ADGRV1: variants seen among roughly 807,000 people sequenced by gnomAD.
ADGRV1 encodes the protein G-protein coupled receptor 98.
Under a neutral mutation model 596.2 loss-of-function variants are expected in ADGRV1, and 359 were observed. The ratio of observed to expected loss-of-function variants is 0.60; its 90% confidence interval spans 0.55 to 0.66. ADGRV1 has a LOEUF of 0.66. Ranked by LOEUF, ADGRV1 falls within the 30% of genes least tolerant of loss-of-function variation. ADGRV1 has a pLI of 0.00. For missense variants in ADGRV1, 7,274 were observed against 7,575.6 expected (o/e 0.96, Z 1.48); for synonymous variants, 2,681 against 2,679.2 (o/e 1.00, Z -0.02).
Position 90,653,540 on chromosome 5 carries a change from C to T in ADGRV1, c.3966C>T (p.His1322=). The change falls in exon 20 of 90, where the codon CAC becomes CAT. Residue 1322 remains histidine, a synonymous_variant. Coordinates refer to ENST00000405460, the MANE Select transcript of ADGRV1 (RefSeq NM_032119.4). The part of the protein sequence containing the change: ...VHLQQHMRRH[H]SGTDALYFTG... The stretch of plus-strand genomic sequence containing the variant: ...TACAACAGCACATGCGGCGTCACCA[C>T]AGTGGAACGGATGCTTTGTACTTTA... The T allele has an allele frequency of 6.2e-7, 1 of 1,613,944 alleles. No homozygotes were observed. The highest frequency in any genetic ancestry group is 8.5e-7 in the Non-Finnish European group (1 of 1,179,888).
At chr5:90,902,602 G>A (rs1022178573) in intron 83 of ADGRV1, among the ~76,000 whole-genome samples, 3 of 152,074 alleles carry the variant, frequency 2.0e-5, no homozygotes, top group Non-Finnish European at 4.4e-5. Flanking sequence ...AGCACCTAGA[G>A]GGCAATTGTT....
Position 90,774,225 on chromosome 5 carries a change from GAC to G in ADGRV1, c.12329_12330del (p.Thr4110SerfsTer16), listed in dbSNP as rs1561701661. On this transcript the variant is annotated frameshift_variant, in exon 60 of 90. Coordinates refer to ENST00000405460, the MANE Select transcript of ADGRV1 (RefSeq NM_032119.4). LOFTEE classifies it high-confidence loss of function. The stretch of plus-strand genomic sequence containing the variant: ...GACCATTGTGTTGCACACACTTCAA[GAC>G]ACAGTGTTGGAGGAGGACAGGCGTT... ...QKTIVLHTLQDTVLEEDRRFT... is the reference protein window; with the variant it reads ...QKTIVLHTLQXTVLEEDRRFT... The G allele has an allele frequency of 1.2e-6, 2 of 1,611,208 alleles. No individual in the cohort carries two copies. The highest frequency in any genetic ancestry group is 8.5e-7 in the Non-Finnish European group (1 of 1,177,614).
At chr5:90,613,971 T>G (rs928380705) in intron 1 of ADGRV1, among the ~76,000 whole-genome samples, 1 of 152,004 alleles carries the variant, frequency 6.6e-6, no homozygotes, top group African/African-American at 2.4e-5. Context: ...AATGATCACA[T>G]AGATCCACGG....
At chr5:90,958,209 A>G (rs1777653766) in intron 83 of ADGRV1, among the ~76,000 whole-genome samples, 1 of 146,248 alleles carries the variant, frequency 6.8e-6, no homozygotes, top group African/African-American at 2.5e-5. Flanking sequence ...GCTTGAGTCC[A>G]GGAGGATGAG....
chr5:90,627,994 C>T (rs1765011247), intron 7 of ADGRV1: 1 of 359,522 alleles, frequency 2.8e-6, no homozygotes, highest in African/African-American at 2.1e-5. Flanking sequence ...CATGGCTTCA[C>T]TGTTTTCTTT....
At chr5:90,962,422 G>A (rs962077252) in intron 83 of ADGRV1, among the ~76,000 whole-genome samples, 1 of 152,162 alleles carries the variant, frequency 6.6e-6, no homozygotes, top group Non-Finnish European at 1.5e-5. Context: ...AGAACTGACT[G>A]TGAAAATAAC....
chr5:90,747,882 G>A (rs971674949), intron 52 of ADGRV1, among the ~76,000 whole-genome samples: 1 of 152,132 alleles, frequency 6.6e-6, no homozygotes. Flanking sequence ...ACACTTTCCT[G>A]CATAAGCCCA....
intron 85 of ADGRV1, among the ~76,000 whole-genome samples, chr5:91,040,082 G>C (rs1423401904): frequency 2.6e-5 from 4 of 152,120 alleles, no homozygotes; most frequent in African/African-American, 9.7e-5. Flanking sequence ...AAAGCCCTTT[G>C]AGGAGGATAA....
At chr5:90,589,086 C>T (rs542357661) in intron 1 of ADGRV1, among the ~76,000 whole-genome samples, 1 of 151,954 alleles carries the variant, frequency 6.6e-6, no homozygotes, top group East Asian at 1.9e-4. Context: ...ATTGATTAGC[C>T]TAAATTTTTT....
At chr5:90,954,656 C>T (rs1777323119) in intron 83 of ADGRV1, among the ~76,000 whole-genome samples, 1 of 152,012 alleles carries the variant, frequency 6.6e-6, no homozygotes, top group Non-Finnish European at 1.5e-5. Context: ...TTTATTATTT[C>T]TATTCCTAGT....
intron 87 of ADGRV1, among the ~76,000 whole-genome samples, chr5:91,119,696 G>T (rs916153126): frequency 1.3e-5 from 2 of 152,148 alleles, no homozygotes; most frequent in African/African-American, 2.4e-5. Flanking sequence ...CAACTTTAGG[G>T]CAAACATTAA....
chr5:91,138,593 A>G (rs1312734122), intron 87 of ADGRV1, among the ~76,000 whole-genome samples: 1 of 152,190 alleles, frequency 6.6e-6, no homozygotes, highest in Non-Finnish European at 1.5e-5. Context: ...TTCGAAAATA[A>G]TAACATAATC....
chr5:90,658,976 G>GAATACATC (rs1769840295), intron 21 of ADGRV1, among the ~76,000 whole-genome samples: 3 of 152,106 alleles, frequency 2.0e-5, no homozygotes, highest in Non-Finnish European at 4.4e-5. Context: ...ATTCTAATTG[G>GAATACATC]TTTAGAAGGA....
intron 1 of ADGRV1, among the ~76,000 whole-genome samples, chr5:90,578,239 G>A (rs1189774454): frequency 2.6e-5 from 4 of 152,160 alleles, no homozygotes; most frequent in African/African-American, 4.8e-5. Context: ...TATGATATTG[G>A]CTGTGGGTTT....
intron 83 of ADGRV1, among the ~76,000 whole-genome samples, chr5:90,877,747 A>G (rs1020714403): frequency 1.3e-5 from 2 of 151,800 alleles, no homozygotes; most frequent in Non-Finnish European, 2.9e-5. Context: ...CTTTTTTTTA[A>G]TGTTATTTCA....
At chr5:91,110,161 A>G (rs1792244417) in intron 87 of ADGRV1, among the ~76,000 whole-genome samples, 1 of 152,192 alleles carries the variant, frequency 6.6e-6, no homozygotes, top group Non-Finnish European at 1.5e-5. Flanking sequence ...TGTCATTTCT[A>G]AGGGGATTCA....
intron 73 of ADGRV1, among the ~76,000 whole-genome samples, chr5:90,809,953 A>C (rs1762283427): frequency 6.6e-6 from 1 of 152,218 alleles, no homozygotes; most frequent in Non-Finnish European, 1.5e-5. Flanking sequence ...CATCCCTCAG[A>C]CAGCTGCTCT....
At chr5:90,582,057 A>G (rs932544668) in intron 1 of ADGRV1, among the ~76,000 whole-genome samples, 47 of 147,232 alleles carry the variant, frequency 3.2e-4, no homozygotes, top group African/African-American at 1.1e-3. Flanking sequence ...TACTTGGTAT[A>G]TGATTTCAGT....
chr5:90,993,988 T>G (rs1045897904), intron 85 of ADGRV1, among the ~76,000 whole-genome samples: 1 of 152,132 alleles, frequency 6.6e-6, no homozygotes, highest in Non-Finnish European at 1.5e-5. Flanking sequence ...ATTTTTTTTT[T>G]TTCTTCCTGG....
Sources: allele counts gnomAD v4.1 joint callset (sites outside exome capture counted in the v4.1 genomes callset), GRCh38; gene constraint gnomAD v4.1.1; transcripts MANE v1.5; gene names NCBI Gene and HGNC (gene_info 2026-07-23, HGNC 2026-07-21).